Variants in RBFOX1 observed in about 807,000 individuals in gnomAD.
RBFOX1 encodes the protein RNA binding fox-1 homolog 1.
A neutral mutation model predicts 57.7 loss-of-function variants in RBFOX1; 8 were observed. The observed-to-expected ratio is 0.14, with a 90% CI of 0.08 to 0.25. The LOEUF is 0.25. Ranked by LOEUF, RBFOX1 falls within the 10% of genes least tolerant of loss-of-function variation. The pLI, the probability that RBFOX1 is intolerant of heterozygous loss-of-function variation, is 1.00. For synonymous variants in RBFOX1, 326 were observed against 222.4 expected, an observed-to-expected ratio of 1.47 and a Z score of -4.15; for missense variants, 611 against 548.5, an observed-to-expected ratio of 1.11 and a Z score of -1.14.
intron 4 of RBFOX1, among the ~76,000 whole-genome samples, chr16:7,466,962 C>A (rs1038464038): frequency 1.1e-4 from 17 of 152,272 alleles, no homozygotes; most frequent in African/African-American, 4.1e-4. Flanking sequence ...TTACAGAGCA[C>A]CCACTCTGCT....
At chr16:6,982,070 C>A (rs1034948649) in intron 3 of RBFOX1, among the ~76,000 whole-genome samples, 1 of 152,110 alleles carries the variant, frequency 6.6e-6, no homozygotes, top group Non-Finnish European at 1.5e-5. Flanking sequence ...TCATGATATA[C>A]TCATGTTGGT....
chr16:6,581,407 C>T (rs2097535573), intron 2 of RBFOX1, among the ~76,000 whole-genome samples: 1 of 152,170 alleles, frequency 6.6e-6, no homozygotes, highest in Non-Finnish European at 1.5e-5. Flanking sequence ...GTTGGTTTCA[C>T]TGTTGGCAGC....
intron 1 of RBFOX1, among the ~76,000 whole-genome samples, chr16:6,140,258 C>T (rs1446387011): frequency 6.7e-6 from 1 of 150,226 alleles, no homozygotes; most frequent in Non-Finnish European, 1.5e-5. Context: ...GTGACTCAAT[C>T]TTGGCTCACT....
chr16:6,702,415 G>A (rs115236100), intron 3 of RBFOX1, among the ~76,000 whole-genome samples: 3,913 of 152,244 alleles, frequency 0.026, 163 homozygotes, highest in African/African-American at 0.082. Context: ...TCTGCCTGGC[G>A]TGCTGGCATA....
chr16:5,731,905 A>G (rs935927240), intron 3 of RBFOX1, among the ~76,000 whole-genome samples: 2 of 152,118 alleles, frequency 1.3e-5, no homozygotes, highest in Non-Finnish European at 2.9e-5. Context: ...TCAGTAGCCT[A>G]TTATCTTGTC....
Position 7,330,273 on chromosome 16 carries a change from A to G in RBFOX1, c.28-187874A>G, listed in dbSNP as rs181946827. On this transcript the variant is annotated intron_variant, in intron 4 of 15. Coordinates refer to ENST00000550418, the MANE Select transcript of RBFOX1 (RefSeq NM_018723.4). ...CGTATACATATTAAATCGTCTTTAG[A>G]TTACTTCTGAAGCCTAATACAATGT... is the stretch of plus-strand genomic sequence containing the variant. Among the ~76,000 whole-genome samples, 55 of 151,756 alleles carry G rather than the reference A, an allele frequency of 3.6e-4. 1 individual carries two copies. In the East Asian group the frequency reaches 0.01, roughly 28 times the overall value.
chr16:7,071,789 C>T (rs2057387968), intron 4 of RBFOX1, among the ~76,000 whole-genome samples: 2 of 152,042 alleles, frequency 1.3e-5, no homozygotes, highest in African/African-American at 4.8e-5. Context: ...TACCCAAATT[C>T]ACACTCATCA....
At chr16:7,634,738 A>T (rs2061497703) in intron 11 of RBFOX1, among the ~76,000 whole-genome samples, 1 of 152,142 alleles carries the variant, frequency 6.6e-6, no homozygotes, top group South Asian at 2.1e-4. Context: ...CCTGAACTTC[A>T]TGCAGGTTTA....
chr16:6,999,405 G>A (rs143465013), intron 3 of RBFOX1, among the ~76,000 whole-genome samples: 2 of 150,430 alleles, frequency 1.3e-5, no homozygotes, highest in Admixed American at 1.3e-4. Flanking sequence ...GAGTGATTTG[G>A]TGATACTTAA....
At chr16:7,681,658 T>C (rs2074784734) in intron 14 of RBFOX1, among the ~76,000 whole-genome samples, 1 of 152,176 alleles carries the variant, frequency 6.6e-6, no homozygotes, top group Non-Finnish European at 1.5e-5. Context: ...TTTAAGGGCT[T>C]ATTTTTGTAG....
intron 4 of RBFOX1, among the ~76,000 whole-genome samples, chr16:7,278,491 C>T (rs2095482924): frequency 6.6e-6 from 1 of 152,118 alleles, no homozygotes; most frequent in South Asian, 2.1e-4. Flanking sequence ...CAGATCTGTC[C>T]AATATTACCA....
intron 2 of RBFOX1, among the ~76,000 whole-genome samples, chr16:6,417,544 C>G (rs1265002577): frequency 6.6e-6 from 1 of 151,204 alleles, no homozygotes; most frequent in African/African-American, 2.4e-5. Flanking sequence ...CGCCCACCAC[C>G]ATGCCTGGCT....
chr16:6,705,009 G>C (rs1281394781), intron 3 of RBFOX1: 1 of 152,024 alleles, frequency 6.6e-6, no homozygotes, highest in Non-Finnish European at 1.5e-5. Flanking sequence ...CTTTAATCCG[G>C]AACCTTGGAG....
chr16:6,487,688 AAAAAAAAAAAAAATATATAT>A (rs2095522899), intron 2 of RBFOX1, among the ~76,000 whole-genome samples: 4 of 30,358 alleles, frequency 1.3e-4, no homozygotes, highest in African/African-American at 1.5e-4. Context: ...AAAAAAAAAA[AAAAAAAAAAAAAATATATAT>A]ATATATATAT....
chr16:6,685,636 G>T (rs776530892), intron 3 of RBFOX1, among the ~76,000 whole-genome samples: 1 of 151,804 alleles, frequency 6.6e-6, no homozygotes, highest in African/African-American at 2.4e-5. Context: ...GACATCATTT[G>T]CTAGTTACAC....
intron 1 of RBFOX1, among the ~76,000 whole-genome samples, chr16:5,242,686 C>T (rs200599557): frequency 0.025 from 3,868 of 152,144 alleles, 42 homozygotes; most frequent in Middle Eastern, 0.088. Flanking sequence ...AAACCATCCT[C>T]GTTCTTTAAT....
intron 2 of RBFOX1, among the ~76,000 whole-genome samples, chr16:6,622,099 A>G (rs2098241515): frequency 6.6e-6 from 1 of 152,220 alleles, no homozygotes; most frequent in South Asian, 2.1e-4. Flanking sequence ...ATATTATTAA[A>G]TAGTTTTACT....
At chr16:6,967,750 C>T (rs928697335) in intron 3 of RBFOX1, among the ~76,000 whole-genome samples, 20 of 152,102 alleles carry the variant, frequency 1.3e-4, no homozygotes, top group Non-Finnish European at 1.0e-4. Flanking sequence ...CCCATCTGCC[C>T]GTGCAGCTGT....
chr16:6,073,072 A>G (rs1445816029), intron 1 of RBFOX1, among the ~76,000 whole-genome samples: 1 of 152,234 alleles, frequency 6.6e-6, no homozygotes, highest in Non-Finnish European at 1.5e-5. Context: ...AGTTATGATG[A>G]GTCAGAATTT....
Sources: gnomAD v4.1 joint callset for allele counts (sites outside exome capture counted in the v4.1 genomes callset) on GRCh38, gnomAD v4.1.1 for gene constraint, MANE v1.5 for transcripts, NCBI Gene and HGNC (gene_info 2026-07-23, HGNC 2026-07-21) for gene names.